FOXN2: variants seen among roughly 807,000 people sequenced by gnomAD.
FOXN2 encodes the protein forkhead box protein N2.
FOXN2 carries 19 observed loss-of-function variants against 41.2 expected under a neutral mutation model. The observed-to-expected ratio is 0.46, with a 90% confidence interval of 0.32 to 0.68. The LOEUF (loss-of-function observed/expected upper bound fraction) is 0.68, where lower values mean the gene tolerates loss of function less well. FOXN2 is among the 30% of genes least tolerant of loss of function. The pLI, the probability that FOXN2 is intolerant of heterozygous loss-of-function variation, is 0.03. For missense variants in FOXN2, 587 were observed against 509.4 expected, an observed-to-expected ratio of 1.15 and a Z score of -1.47; for synonymous variants, 195 against 176.8, an observed-to-expected ratio of 1.10 and a Z score of -0.82.
intron 4 of FOXN2, among the ~76,000 whole-genome samples, chr2:48,361,502 G>T (rs985396615): frequency 2.0e-5 from 3 of 151,768 alleles, no homozygotes; most frequent in African/African-American, 7.3e-5. Context: ...ACAACATAAG[G>T]GTTATATATA....
Position 48,362,679 on chromosome 2 carries a change from C to T in FOXN2, c.675C>T (p.Ile225=). ...CACCTCACTATTTAAGCTCTGTAAT[C>T]AAGCAGAACCAGGTGCGAAACCTCA... ...SLSPHYLSSV[I]KQNQVRNLKE... Residue 225 remains isoleucine (I), a synonymous_variant, in exon 5 of 7, where the codon ATC becomes ATT. Transcript: ENST00000340553. The T allele has an allele frequency of 3.1e-6, 5 of 1,613,976 alleles. No homozygotes were observed. Among genetic ancestry groups the T allele is most frequent in the Non-Finnish European group, 4.2e-6 (5 of 1,179,906 alleles).
chr2:48,354,327 C>T (rs950115046), intron 3 of FOXN2, among the ~76,000 whole-genome samples: 17 of 152,184 alleles, frequency 1.1e-4, no homozygotes, highest in South Asian at 2.1e-4. Context: ...GCTGGCTGGG[C>T]GCGGTGGCTC....
At chr2:48,313,862 T>TA (rs900246442), upstream of FOXN2, among the ~76,000 whole-genome samples, 9 of 151,696 alleles carry the variant, frequency 5.9e-5, no homozygotes, top group East Asian at 5.8e-4. Context: ...CTTATATTTT[T>TA]AAAAAAAATC....
At chr2:48,317,045 A>G (rs543017662) in intron 1 of FOXN2, among the ~76,000 whole-genome samples, 1 of 152,318 alleles carries the variant, frequency 6.6e-6, no homozygotes, top group African/African-American at 2.4e-5. Context: ...AGCAATTTTT[A>G]GTTGAGAAAG....
At chr2:48,367,248 T>G (rs1462520823) in intron 5 of FOXN2, among the ~76,000 whole-genome samples, 3 of 151,770 alleles carry the variant, frequency 2.0e-5, no homozygotes, top group Admixed American at 2.0e-4. Context: ...TAGAGTAAAT[T>G]CACCTGTTTA....
chr2:48,376,053 C>T lies in FOXN2; in HGVS notation c.*610C>T, dbSNP rs1273299691. The T allele has an allele frequency of 2.6e-5, 4 of 152,158 alleles. No individual in the cohort carries two copies. The highest frequency in any genetic ancestry group is 4.8e-5 in the African/African-American group (2 of 41,424). 9.4% of individuals were successfully genotyped at this position (152,158 alleles called of 1,614,324 possible). A position where few individuals can be genotyped will look rare whatever the true frequency, so the allele number is the denominator to read the frequency against. On this transcript the variant is annotated 3_prime_UTR_variant, in exon 7 of 7. Coordinates refer to ENST00000340553, the MANE Select transcript of FOXN2 (RefSeq NM_002158.4). ...GAGAATACAACAAAGAGTTCTAAGA[C>T]TTAGAAAAGACAATTTTGTGGTGTC...
Position 48,378,470 on chromosome 2 carries a change from A to G in FOXN2, c.*3027A>G, listed in dbSNP as rs955879646. ...GTTAAATATACTTTAGCACAAAGTC[A>G]AACTAGAGAATGTGTTAAGGAGGGA... is the stretch of plus-strand genomic sequence containing the variant. On this transcript the variant is annotated 3_prime_UTR_variant, in exon 7 of 7. Transcript: ENST00000340553. 4.6e-5 allele frequency: 7 copies of G among 151,668 alleles called. No individual in the cohort carries two copies. The highest frequency in any genetic ancestry group is 8.8e-5 in the Non-Finnish European group (6 of 67,798). 9.4% of individuals were successfully genotyped at this position (151,668 alleles called of 1,614,324 possible).
At chr2:48,347,376 TGC>T (rs766940149) in intron 3 of FOXN2, among the ~76,000 whole-genome samples, 10 of 151,792 alleles carry the variant, frequency 6.6e-5, no homozygotes. Context: ...TACAGGTGTG[TGC>T]CACCACGCCC....
chr2:48,316,120 A>G (rs143332170), intron 1 of FOXN2, among the ~76,000 whole-genome samples: 1 of 151,550 alleles, frequency 6.6e-6, no homozygotes, highest in African/African-American at 2.4e-5. Context: ...GTCGCCTCGC[A>G]TGTACATTTA....
chr2:48,338,390 A>T (rs1670504654), intron 2 of FOXN2, among the ~76,000 whole-genome samples: 1 of 136,290 alleles, frequency 7.3e-6, no homozygotes, highest in South Asian at 2.5e-4. Flanking sequence ...CCTAACAGGA[A>T]GGATGCCATT....
intron 2 of FOXN2, among the ~76,000 whole-genome samples, chr2:48,335,539 G>T (rs541429457): frequency 1.5e-5 from 1 of 64,596 alleles, no homozygotes; most frequent in African/African-American, 4.9e-5. Context: ...AAATAACAGC[G>T]TAGAATTCTA....
rs1330186585 is a variant in FOXN2 at position 48,349,181 on chromosome 2, C to T, written c.537+2430C>T. Among the ~76,000 whole-genome samples the T allele has an allele frequency of 2.6e-5, 4 of 152,242 alleles. No individual in the cohort carries two copies. In the East Asian group the frequency reaches 5.8e-4, roughly 22 times the overall value. On this transcript the variant is annotated intron_variant, in intron 3 of 6. Transcript: ENST00000340553. ...GGAGACTCTGTCTCACAAAACAAAACGAAAAACATTGGATTCAACTTTGGC... is the reference window on the plus strand; with the variant it reads ...GGAGACTCTGTCTCACAAAACAAAATGAAAAACATTGGATTCAACTTTGGC...
intron 1 of FOXN2, among the ~76,000 whole-genome samples, chr2:48,320,939 A>G (rs1309881660): frequency 6.6e-6 from 1 of 151,984 alleles, no homozygotes; most frequent in East Asian, 1.9e-4. Flanking sequence ...TTTGTCAGAG[A>G]TTGCCTAAGT....
intron 2 of FOXN2, among the ~76,000 whole-genome samples, chr2:48,336,635 AAG>A (rs1343180058): frequency 1.3e-5 from 2 of 152,060 alleles, no homozygotes; most frequent in African/African-American, 4.8e-5. Context: ...CAAAAAAAGA[AAG>A]AGAAAAATTA....
intron 2 of FOXN2, among the ~76,000 whole-genome samples, chr2:48,345,698 A>G (rs910107281): frequency 6.6e-6 from 1 of 152,102 alleles, no homozygotes. Context: ...TAGTATACAT[A>G]GTTTCTTTTT....
intron 4 of FOXN2, among the ~76,000 whole-genome samples, chr2:48,362,260 C>T (rs908332020): frequency 1.3e-5 from 2 of 152,144 alleles, no homozygotes; most frequent in Non-Finnish European, 2.9e-5. Context: ...GTATTTGTGA[C>T]TAAGTTCTAT....
At position 48,359,156 on chromosome 2, in the gene FOXN2, C is replaced by T. The variant is rs1424019532; in HGVS notation, c.638+9C>T. The T allele has an allele frequency of 6.3e-7, 1 of 1,596,928 alleles. No homozygotes were observed. On this transcript the variant is annotated intron_variant, in intron 4 of 6. Transcript: ENST00000340553. ...TCAGCATCTTCACAAAAGTAAGGATCTTCCATATAACTGTCAGTGGTGATT... is the reference window on the plus strand; with the variant it reads ...TCAGCATCTTCACAAAAGTAAGGATTTTCCATATAACTGTCAGTGGTGATT...
At chr2:48,345,566 A>G (rs895548363) in intron 2 of FOXN2, among the ~76,000 whole-genome samples, 1 of 152,212 alleles carries the variant, frequency 6.6e-6, no homozygotes, top group Non-Finnish European at 1.5e-5. Context: ...TCATTTCACA[A>G]TATATACATG....
intron 4 of FOXN2, among the ~76,000 whole-genome samples, chr2:48,361,051 A>G (rs1375323576): frequency 6.6e-6 from 1 of 151,328 alleles, no homozygotes; most frequent in African/African-American, 2.4e-5. Flanking sequence ...AATTGGCACC[A>G]TTTTTTGTAA....
Sources: allele counts gnomAD v4.1 joint callset (sites outside exome capture counted in the v4.1 genomes callset), GRCh38; gene constraint gnomAD v4.1.1; transcripts MANE v1.5; gene names NCBI Gene and HGNC (gene_info 2026-07-23, HGNC 2026-07-21).